The following SH3RF3 variants were observed in gnomAD, a reference collection of about 807,000 sequenced individuals.
SH3RF3 encodes the protein E3 ubiquitin-protein ligase SH3RF3.
SH3RF3 carries 29 observed loss-of-function variants against 66.3 expected under a neutral mutation model. The ratio of observed to expected loss-of-function variants is 0.44; its 90% CI spans 0.33 to 0.60. The LOEUF (loss-of-function observed/expected upper bound fraction) is 0.60, where lower values mean the gene tolerates loss of function less well. SH3RF3 is among the 20% of genes least tolerant of loss of function. The pLI is 0.04. For missense variants in SH3RF3, 1,194 were observed against 1,190.9 expected, an observed-to-expected ratio of 1.00 and a Z score of -0.04; for synonymous variants, 583 against 532.0, an observed-to-expected ratio of 1.10 and a Z score of -1.32.
chr2:109,301,903 T>C (rs981050223), intron 1 of SH3RF3, among the ~76,000 whole-genome samples: 1 of 152,182 alleles, frequency 6.6e-6, no homozygotes, highest in African/African-American at 2.4e-5. Context: ...CCTAAGTAGC[T>C]TCCCCGGTGC....
chr2:109,477,808 C>T (rs926665601), intron 8 of SH3RF3, among the ~76,000 whole-genome samples: 1 of 152,192 alleles, frequency 6.6e-6, no homozygotes, highest in Non-Finnish European at 1.5e-5. Flanking sequence ...AGGGAGCTCT[C>T]ACGACCCGAT....
At chr2:109,406,952 A>T (rs1676468056) in intron 4 of SH3RF3, among the ~76,000 whole-genome samples, 1 of 152,206 alleles carries the variant, frequency 6.6e-6, no homozygotes, top group South Asian at 2.1e-4. Flanking sequence ...CAACTCAGCA[A>T]GTTTGCATTT....
At chr2:109,293,633 CATTT>C (rs1444037613) in intron 1 of SH3RF3, among the ~76,000 whole-genome samples, 2 of 152,260 alleles carry the variant, frequency 1.3e-5, no homozygotes, top group Non-Finnish European at 2.9e-5. Context: ...AAGACTCCTT[CATTT>C]GTCTTTGGGC....
At chr2:109,364,583 G>A (rs1349126078) in intron 2 of SH3RF3, among the ~76,000 whole-genome samples, 1 of 152,196 alleles carries the variant, frequency 6.6e-6, no homozygotes, top group African/African-American at 2.4e-5. Flanking sequence ...AAGAACTGCT[G>A]TAAATAGGCC....
At chr2:109,219,342 A>C (rs1679175673) in intron 1 of SH3RF3, among the ~76,000 whole-genome samples, 2 of 152,348 alleles carry the variant, frequency 1.3e-5, no homozygotes, top group African/African-American at 4.8e-5. Context: ...TTTGCCAAGT[A>C]AAATGTTAAA....
intron 7 of SH3RF3, among the ~76,000 whole-genome samples, chr2:109,438,041 A>T (rs1677458330): frequency 6.6e-6 from 1 of 152,234 alleles, no homozygotes; most frequent in South Asian, 2.1e-4. Context: ...GGCAAAAATA[A>T]TGTAAATTCA....
At chr2:109,420,804 G>GGTCT (rs1676857552) in intron 5 of SH3RF3, among the ~76,000 whole-genome samples, 1 of 152,212 alleles carries the variant, frequency 6.6e-6, no homozygotes. Flanking sequence ...AGCTTCAAAA[G>GGTCT]GTCTAGAAGT....
At chr2:109,343,028 A>G (rs369988562) in intron 1 of SH3RF3, among the ~76,000 whole-genome samples, 1 of 152,150 alleles carries the variant, frequency 6.6e-6, no homozygotes, top group East Asian at 1.9e-4. Context: ...GAAGGGGAGC[A>G]CGCCGCAGTG....
chr2:109,449,089 G>A, intron 7 of SH3RF3, 81 bp from the exon 8 acceptor site: 11 of 1,484,080 alleles, frequency 7.4e-6, no homozygotes, highest in South Asian at 2.6e-5. Flanking sequence ...GGGAGCCTGA[G>A]TGTGCATTGC....
intron 1 of SH3RF3, among the ~76,000 whole-genome samples, chr2:109,152,343 T>C (rs1264975079): frequency 1.3e-5 from 2 of 152,220 alleles, no homozygotes; most frequent in Non-Finnish European, 2.9e-5. Context: ...GCCCTTTCCC[T>C]GGTGCATTTG....
intron 3 of SH3RF3, among the ~76,000 whole-genome samples, chr2:109,384,992 C>G (rs184184946): frequency 2.0e-5 from 3 of 152,256 alleles, no homozygotes; most frequent in African/African-American, 7.2e-5. Context: ...TCACTGCAGT[C>G]TACCCTGTGG....
chr2:109,451,758 A>G (rs572418830), intron 8 of SH3RF3, among the ~76,000 whole-genome samples: 2 of 152,388 alleles, frequency 1.3e-5, no homozygotes, highest in African/African-American at 2.4e-5. Flanking sequence ...GAAAGGCGAC[A>G]TGCAGGGACG....
chr2:109,427,950 C>T (rs1022549720), intron 5 of SH3RF3, among the ~76,000 whole-genome samples: 5 of 152,246 alleles, frequency 3.3e-5, no homozygotes, highest in Non-Finnish European at 7.3e-5. Flanking sequence ...TGCACTCATC[C>T]TCGCCCTGCC....
At chr2:109,460,626 C>A (rs1559095765) in intron 8 of SH3RF3, among the ~76,000 whole-genome samples, 1 of 152,218 alleles carries the variant, frequency 6.6e-6, no homozygotes, top group African/African-American at 2.4e-5. Context: ...TGAGGTCACC[C>A]TTTGGTGAGC....
intron 1 of SH3RF3, among the ~76,000 whole-genome samples, chr2:109,277,869 T>C (rs1049380007): frequency 6.6e-6 from 1 of 152,176 alleles, no homozygotes; most frequent in African/African-American, 2.4e-5. Context: ...TACAAGGGCA[T>C]TTCTTCTGCT....
intron 1 of SH3RF3, among the ~76,000 whole-genome samples, chr2:109,345,146 G>A (rs766126955): frequency 2.0e-5 from 3 of 152,202 alleles, no homozygotes; most frequent in Non-Finnish European, 4.4e-5. Flanking sequence ...CTGCCTGGTG[G>A]AAGATGCCTC....
chr2:109,470,124 C>T (rs1678464558), intron 8 of SH3RF3, among the ~76,000 whole-genome samples: 1 of 152,228 alleles, frequency 6.6e-6, no homozygotes, highest in Non-Finnish European at 1.5e-5. Flanking sequence ...ACCTTCTCAA[C>T]TACAAGGATT....
chr2:109,410,825 C>T (rs905632990), intron 4 of SH3RF3, among the ~76,000 whole-genome samples: 1 of 148,860 alleles, frequency 6.7e-6, no homozygotes, highest in East Asian at 2.0e-4. Flanking sequence ...GACAGGGCTG[C>T]ACTTGGCTTT....
At chr2:109,484,890 A>G (rs1678930269) in intron 8 of SH3RF3, among the ~76,000 whole-genome samples, 1 of 152,168 alleles carries the variant, frequency 6.6e-6, no homozygotes, top group African/African-American at 2.4e-5. Flanking sequence ...ACCCAGTGAC[A>G]ACTATCTCCC....
Sources: allele counts gnomAD v4.1 joint callset (sites outside exome capture counted in the v4.1 genomes callset), GRCh38; gene constraint gnomAD v4.1.1; transcripts MANE v1.5; gene names NCBI Gene and HGNC (gene_info 2026-07-23, HGNC 2026-07-21).